Variants in DNAH5 observed in about 807,000 individuals in gnomAD.
DNAH5 encodes axonemal beta dynein heavy chain 5.
DNAH5 carries 372 observed loss-of-function variants against 518.2 expected under a neutral mutation model. That is an observed-to-expected ratio of 0.72 (90% confidence interval 0.66 to 0.78). The LOEUF (loss-of-function observed/expected upper bound fraction) is 0.78, where lower values mean the gene tolerates loss of function less well. Ranked by LOEUF, DNAH5 falls within the 30% of genes least tolerant of loss-of-function variation. DNAH5 has a pLI of 0.00. For missense variants in DNAH5, 5,523 were observed against 5,687.0 expected (o/e 0.97, Z 0.93); for synonymous variants, 2,039 against 2,025.9 (o/e 1.01, Z -0.17).
At chr5:13,916,803 C>T (rs1306798456) in intron 8 of DNAH5, among the ~76,000 whole-genome samples, 3 of 151,960 alleles carry the variant, frequency 2.0e-5, no homozygotes, top group East Asian at 1.9e-4. Context: ...AAAAACATCA[C>T]TAGCTAATGA....
intron 1 of DNAH5, among the ~76,000 whole-genome samples, chr5:13,940,012 T>C (rs1295359199): frequency 6.6e-6 from 1 of 152,186 alleles, no homozygotes; most frequent in Non-Finnish European, 1.5e-5. Context: ...CTGTCTATTT[T>C]TGCTGGAGTT....
chr5:13,915,237 C>T (rs1334393568), intron 9 of DNAH5, among the ~76,000 whole-genome samples: 1 of 151,974 alleles, frequency 6.6e-6, no homozygotes, highest in Non-Finnish European at 1.5e-5. Context: ...CCAGGATTTA[C>T]AGTGCAAGGG....
chr5:13,929,079 C>G (rs1237729404), intron 2 of DNAH5, among the ~76,000 whole-genome samples: 1 of 152,178 alleles, frequency 6.6e-6, no homozygotes, highest in East Asian at 1.9e-4. Flanking sequence ...ATAGCTTCCA[C>G]AAAAGATGAA....
At chr5:13,736,687 A>G (rs2126616178) in intron 66 of DNAH5, among the ~76,000 whole-genome samples, 1 of 152,202 alleles carries the variant, frequency 6.6e-6, no homozygotes, top group South Asian at 2.1e-4. Context: ...TCAGCCTCCC[A>G]AAGTGCTGGG....
rs568199084 is a variant in DNAH5, at chr5:13,856,114, A to G, written c.4950+3338T>C. On this transcript the variant is annotated intron_variant, in intron 30 of 78. Transcript: ENST00000265104. ...AGAGAATCAAGAGCAAACAAATTCAAAAGCTAGCAGAAGACAAGACATAAC... is the reference window on the plus strand; with the variant it reads ...AGAGAATCAAGAGCAAACAAATTCAGAAGCTAGCAGAAGACAAGACATAAC... Among the ~76,000 whole-genome samples the G allele has an allele frequency of 5.9e-4, 90 of 152,298 alleles. 1 individual carries two copies. In the South Asian group the frequency reaches 0.016, roughly 27 times the overall value.
chr5:13,916,263 G>T, intron 9 of DNAH5, 85 bp downstream of exon 9: 1 of 769,664 alleles, frequency 1.3e-6, no homozygotes. Flanking sequence ...ATTGAACTGA[G>T]CCAATGTGGT....
At chr5:13,965,855 C>G (rs1409899859) in intron 1 of DNAH5, among the ~76,000 whole-genome samples, 1 of 152,008 alleles carries the variant, frequency 6.6e-6, no homozygotes, top group East Asian at 1.9e-4. Context: ...CCATGGATAT[C>G]AAGGATACCA....
chr5:13,808,165 C>T (rs991465672), intron 46 of DNAH5, among the ~76,000 whole-genome samples: 2 of 143,794 alleles, frequency 1.4e-5, no homozygotes, highest in African/African-American at 5.2e-5. Context: ...GAGAGGCAGA[C>T]GTAGCAGTGA....
At chr5:13,853,744 A>C (rs1274916530) in intron 30 of DNAH5, among the ~76,000 whole-genome samples, 1 of 151,940 alleles carries the variant, frequency 6.6e-6, no homozygotes, top group Non-Finnish European at 1.5e-5. Flanking sequence ...ATCAATACCC[A>C]AATTGATCAA....
In DNAH5 at chr5:13,839,385, G is replaced by A. The variant is rs1475309331; in HGVS notation, c.5853C>T (p.Asp1951=). The A allele has an allele frequency of 6.2e-7, 1 of 1,614,092 alleles. No individual in the cohort carries two copies. Among genetic ancestry groups the A allele is most frequent in the Non-Finnish European group, 8.5e-7 (1 of 1,179,962 alleles). The change falls in exon 35 of 79, where the codon GAC becomes GAT. Residue 1951 remains aspartate (D), a synonymous_variant. Coordinates refer to ENST00000265104, the MANE Select transcript of DNAH5 (RefSeq NM_001369.3). ...CTGTAAGTGGAGTTATTACAAGCCT[G>A]TCAGTGCAGCCTAAAAATTCATTCT... ...IYQNEFLGCT[D]RLVITPLTDR...
intron 52 of DNAH5, among the ~76,000 whole-genome samples, chr5:13,785,009 G>A (rs1995389): frequency 0.28 from 42,592 of 151,784 alleles, 6,278 homozygotes; most frequent in South Asian, 0.37. Context: ...GTTTTGGAAT[G>A]ATTCAAGCGC....
chr5:13,978,554 CG>C (rs2152064257), intron 1 of DNAH5, among the ~76,000 whole-genome samples: 1 of 152,280 alleles, frequency 6.6e-6, no homozygotes, highest in East Asian at 1.9e-4. Context: ...TTTCAGTCAA[CG>C]ATGGACTGCA....
rs76172722 is a variant in DNAH5 at position 13,754,240 on chromosome 5, T to A, written c.10518A>T (p.Gln3506His). Reference protein sequence around the residue: ...LAGEKERWTEQSQEFAAQTKR... With the variant: ...LAGEKERWTEHSQEFAAQTKR... Reference sequence around the variant, plus strand: ...TAGTTTGTGCAGCAAACTCTTGGCTTTGCTCTGTCCATCTTTCTTTTTCAC... The same window carrying A: ...TAGTTTGTGCAGCAAACTCTTGGCTATGCTCTGTCCATCTTTCTTTTTCAC... Residue 3506 changes from glutamine (Q) to histidine (H), a missense_variant, in exon 62 of 79, where the codon CAA (glutamine) becomes CAT (histidine). Around this residue, in one of 3 missense-constraint regions of DNAH5, gnomAD observed 5,121 missense variants for 5,223.3 expected, o/e 0.98. Transcript: ENST00000265104. The A allele has an allele frequency of 6.2e-7, 1 of 1,614,148 alleles. No individual in the cohort carries two copies.
At chr5:13,798,153 T>C (rs1194965725) in intron 47 of DNAH5, among the ~76,000 whole-genome samples, 1 of 152,102 alleles carries the variant, frequency 6.6e-6, no homozygotes, top group Non-Finnish European at 1.5e-5. Flanking sequence ...TGTATACCTA[T>C]GTATCAAACC....
chr5:13,929,877 G>GTTAA (rs1008898498), intron 2 of DNAH5, among the ~76,000 whole-genome samples: 1 of 152,224 alleles, frequency 6.6e-6, no homozygotes, highest in Non-Finnish European at 1.5e-5. Context: ...GCAGGGTGGA[G>GTTAA]TTAAGCATTT....
chr5:13,831,334 A>T (rs1161091187), intron 35 of DNAH5, among the ~76,000 whole-genome samples: 1 of 152,238 alleles, frequency 6.6e-6, no homozygotes, highest in Non-Finnish European at 1.5e-5. Context: ...ACTATATGAG[A>T]TTAACAAATA....
intron 9 of DNAH5, among the ~76,000 whole-genome samples, chr5:13,915,330 G>A (rs947540677): frequency 6.6e-6 from 1 of 152,014 alleles, no homozygotes; most frequent in Non-Finnish European, 1.5e-5. Context: ...TCCAGTATAC[G>A]ATTCTCTCCT....
intron 30 of DNAH5, among the ~76,000 whole-genome samples, chr5:13,851,143 TG>T (rs1310429589): frequency 1.3e-5 from 2 of 152,218 alleles, no homozygotes; most frequent in African/African-American, 4.8e-5. Flanking sequence ...TATCTCTAAA[TG>T]AAGTACATTT....
At chr5:13,780,088 T>C (rs1262362625) in intron 53 of DNAH5, among the ~76,000 whole-genome samples, 2 of 152,212 alleles carry the variant, frequency 1.3e-5, no homozygotes, top group African/African-American at 2.4e-5. Context: ...GTATTTAACT[T>C]CTTCCAGGAC....
Sources: allele counts gnomAD v4.1 joint callset (sites outside exome capture counted in the v4.1 genomes callset), GRCh38; gene constraint gnomAD v4.1.1; regional missense constraint gnomAD v4.1.1; transcripts MANE v1.5; gene names NCBI Gene and HGNC (gene_info 2026-07-23, HGNC 2026-07-21).